FNBP1L: variants seen among roughly 807,000 people sequenced by gnomAD.
The protein encoded by FNBP1L is formin binding protein 1 like.
In FNBP1L, 36 loss-of-function variants were observed where a neutral mutation model predicts 91.2. That is an observed-to-expected ratio of 0.39 (90% confidence interval 0.30 to 0.52). The LOEUF (loss-of-function observed/expected upper bound fraction) is 0.52. FNBP1L is among the 20% of genes least tolerant of loss of function. The pLI, the probability that FNBP1L is intolerant of heterozygous loss-of-function variation, is 0.66. For synonymous variants in FNBP1L, 242 were observed against 237.0 expected, an observed-to-expected ratio of 1.02 and a Z score of -0.19; for missense variants, 571 against 732.1, an observed-to-expected ratio of 0.78 and a Z score of 2.54.
At chr1:93,471,170 G>A (rs990604387) in intron 1 of FNBP1L, among the ~76,000 whole-genome samples, 1 of 152,024 alleles carries the variant, frequency 6.6e-6, no homozygotes, top group Non-Finnish European at 1.5e-5. Context: ...GGATTTTTTG[G>A]AATACTTTCA....
chr1:93,521,979 A>G (rs769308949), intron 2 of FNBP1L, 103 bp from the exon 3 acceptor site: 238 of 573,394 alleles, frequency 4.2e-4, no homozygotes, highest in Admixed American at 1.9e-4. Flanking sequence ...TAATTGTTTT[A>G]TATCATAAAA....
At chr1:93,516,384 C>T (rs181963623) in intron 2 of FNBP1L, among the ~76,000 whole-genome samples, 4 of 152,170 alleles carry the variant, frequency 2.6e-5, no homozygotes, top group South Asian at 2.1e-4. Flanking sequence ...TGTCCACTTA[C>T]GGTGACTCAA....
chr1:93,511,965 C>CAAA (rs34752421), intron 2 of FNBP1L, among the ~76,000 whole-genome samples: 54 of 66,276 alleles, frequency 8.1e-4, no homozygotes, highest in African/African-American at 2.0e-3. Flanking sequence ...GACTCCGTCT[C>CAAA]AAAAAAAAAA....
At chr1:93,532,321 G>T (rs1421211292) in intron 7 of FNBP1L, among the ~76,000 whole-genome samples, 1 of 151,924 alleles carries the variant, frequency 6.6e-6, no homozygotes, top group Admixed American at 6.6e-5. Flanking sequence ...ACAAAAATTA[G>T]CTGGGCATGG....
At chr1:93,478,227 G>A (rs897367783) in intron 1 of FNBP1L, among the ~76,000 whole-genome samples, 11 of 152,156 alleles carry the variant, frequency 7.2e-5, no homozygotes, top group African/African-American at 2.4e-4. Context: ...TGGAAGCTGC[G>A]ATGGTCTAGA....
At position 93,537,304 on chromosome 1, in the gene FNBP1L, T is replaced by A. The variant is rs74434657; in HGVS notation, c.1149+814T>A. ...CATAGATGAGAAATCAGTCTTTCAATGTCGTAAGAAGCCTAACAATAATAA... is the reference window on the plus strand; with the variant it reads ...CATAGATGAGAAATCAGTCTTTCAAAGTCGTAAGAAGCCTAACAATAATAA... On this transcript the variant is annotated intron_variant, in intron 10 of 16. Coordinates refer to ENST00000271234, the MANE Select transcript of FNBP1L (RefSeq NM_001164473.3). Among the ~76,000 whole-genome samples the A allele has an allele frequency of 7.5e-3, 1,143 of 152,256 alleles. 12 individuals are homozygous for A. Among genetic ancestry groups the A allele is most frequent in the African/African-American group, 0.026 (1,072 of 41,564 alleles).
chr1:93,538,801 G>A (rs955326580), intron 10 of FNBP1L, among the ~76,000 whole-genome samples: 5 of 151,978 alleles, frequency 3.3e-5, no homozygotes, highest in African/African-American at 9.7e-5. Flanking sequence ...TGTTTTGTGC[G>A]ATATTTGCTG....
chr1:93,482,890 C>T lies in FNBP1L; in HGVS notation c.25-16578C>T, dbSNP rs1467071505. Among the ~76,000 whole-genome samples the T allele has an allele frequency of 3.3e-4, 50 of 151,914 alleles. 1 individual carries two copies. The highest frequency in any genetic ancestry group is 1.4e-3 in the Admixed American group (21 of 15,252). ...AAAATTAGCCAGGCGTGGTCGCGGGCGCCTGTAGTCCCAGCTACTCAGGAG... is the reference window on the plus strand; with the variant it reads ...AAAATTAGCCAGGCGTGGTCGCGGGTGCCTGTAGTCCCAGCTACTCAGGAG... On this transcript the variant is annotated intron_variant, in intron 1 of 16. Coordinates refer to ENST00000271234, the MANE Select transcript of FNBP1L (RefSeq NM_001164473.3).
intron 2 of FNBP1L, among the ~76,000 whole-genome samples, chr1:93,504,660 C>T (rs1670546975): frequency 6.6e-6 from 1 of 152,172 alleles, no homozygotes; most frequent in South Asian, 2.1e-4. Flanking sequence ...TGTTGTTTTG[C>T]AAGTAGCCAC....
At chr1:93,482,787 A>C (rs1352510966) in intron 1 of FNBP1L, among the ~76,000 whole-genome samples, 1 of 152,100 alleles carries the variant, frequency 6.6e-6, no homozygotes, top group Non-Finnish European at 1.5e-5. Flanking sequence ...TGGGAGGCCG[A>C]GGTGGGTGGA....
At chr1:93,540,156 A>G (rs1671987063) in intron 10 of FNBP1L, among the ~76,000 whole-genome samples, 3 of 152,122 alleles carry the variant, frequency 2.0e-5, no homozygotes, top group Non-Finnish European at 2.9e-5. Flanking sequence ...AATGTGGGAG[A>G]TATATCCAAA....
chr1:93,470,369 C>T (rs1669243851), intron 1 of FNBP1L, among the ~76,000 whole-genome samples: 1 of 152,200 alleles, frequency 6.6e-6, no homozygotes, highest in African/African-American at 2.4e-5. Flanking sequence ...CTCAAGCAGT[C>T]ATTCTGCCTT....
intron 1 of FNBP1L, among the ~76,000 whole-genome samples, chr1:93,494,919 C>G (rs762881394): frequency 3.3e-5 from 5 of 152,156 alleles, no homozygotes; most frequent in Non-Finnish European, 5.9e-5. Context: ...ACCATCAGAT[C>G]TCATGAGACT....
chr1:93,454,314 TTG>T (rs899927941), intron 1 of FNBP1L, among the ~76,000 whole-genome samples: 7 of 145,884 alleles, frequency 4.8e-5, no homozygotes, highest in African/African-American at 1.7e-4. Context: ...CATGAACCTC[TTG>T]TGTGTGTGTA....
At chr1:93,479,157 G>A (rs1053448671) in intron 1 of FNBP1L, among the ~76,000 whole-genome samples, 3 of 152,074 alleles carry the variant, frequency 2.0e-5, no homozygotes, top group South Asian at 4.1e-4. Context: ...ATCACATATC[G>A]GTAGGTCCAT....
At chr1:93,492,812 A>G (rs976458493) in intron 1 of FNBP1L, among the ~76,000 whole-genome samples, 4 of 152,138 alleles carry the variant, frequency 2.6e-5, no homozygotes, top group African/African-American at 9.7e-5. Flanking sequence ...AAAATATAAA[A>G]AAGAAACTGT....
In FNBP1L at chr1:93,553,053, G is replaced by A. The variant is rs945137515; in HGVS notation, c.*637G>A. ...TCCCCACTGCAAACATTCCAGTTTT[G>A]GCATTACGAAGAAGTAGCTGTGAAC... On this transcript the variant is annotated 3_prime_UTR_variant, in exon 17 of 17. Transcript: ENST00000271234. The A allele has an allele frequency of 6.6e-6, 1 of 152,316 alleles. No homozygotes were observed. The highest frequency in any genetic ancestry group is 1.5e-5 in the Non-Finnish European group (1 of 68,028). The allele number at this position is 152,316 out of a possible 1,614,324, so 9.4% of individuals were successfully genotyped here.
In FNBP1L at chr1:93,524,293, T is replaced by C. The variant is rs751117020; in HGVS notation, c.375T>C (p.Tyr125=). ...AAGAAGGACGAAAAGCTCAACAATA[T>C]CTTGACATGTGCTGGAAACAGATGG... The part of the protein sequence containing the change: ...HLQEGRKAQQ[Y]LDMCWKQMDN... Residue 125 remains tyrosine (Y), a synonymous_variant, in exon 5 of 17, where the codon TAT becomes TAC. Transcript: ENST00000271234. 4.6e-6 allele frequency: 7 copies of C among 1,513,818 alleles called. No homozygotes were observed. The highest frequency in any genetic ancestry group is 5.3e-6 in the Non-Finnish European group (6 of 1,129,098). 93.8% of individuals were successfully genotyped at this position (1,513,818 alleles called of 1,614,324 possible).
At chr1:93,542,657 A>G (rs896019748) in intron 11 of FNBP1L, among the ~76,000 whole-genome samples, 1 of 151,620 alleles carries the variant, frequency 6.6e-6, no homozygotes, top group African/African-American at 2.4e-5. Flanking sequence ...AAATAAAGCT[A>G]TTTAGCATAT....
Sources: allele counts gnomAD v4.1 joint callset (sites outside exome capture counted in the v4.1 genomes callset), GRCh38; gene constraint gnomAD v4.1.1; transcripts MANE v1.5; gene names NCBI Gene and HGNC (gene_info 2026-07-23, HGNC 2026-07-21).